The following PAX2 variants were observed in gnomAD, a reference collection of about 807,000 sequenced individuals.
PAX2 encodes paired box protein Pax-2.
A neutral mutation model predicts 41.7 loss-of-function variants in PAX2; 9 were observed. The observed-to-expected ratio is 0.22, with a 90% CI of 0.13 to 0.38. The LOEUF is 0.38. Among genes scored for constraint, PAX2 ranks in the 10% least tolerant of loss-of-function variants. The pLI is 1.00. For synonymous variants in PAX2, 221 were observed against 212.7 expected, an observed-to-expected ratio of 1.04 and a Z score of -0.34; for missense variants, 418 against 531.6, an observed-to-expected ratio of 0.79 and a Z score of 2.10.
At chr10:100,825,381 T>A (rs1223437289) in intron 8 of PAX2, among the ~76,000 whole-genome samples, 1 of 152,134 alleles carries the variant, frequency 6.6e-6, no homozygotes, top group Non-Finnish European at 1.5e-5. Context: ...CCTGGGGCTC[T>A]GACCCATCCC....
intron 6 of PAX2, among the ~76,000 whole-genome samples, chr10:100,808,524 C>T (rs1847876963): frequency 6.6e-6 from 1 of 152,194 alleles, no homozygotes. Flanking sequence ...TCAGGCAGGA[C>T]ACCCTTTCAG....
rs767014534 is a variant in PAX2, at chr10:100,809,149, G to C, written c.832G>C (p.Asp278His). ...CCTCCCAGCCCTGACCCCTGGGCTTGATGAAGTCAAGTCGAGTCTATCTGC... is the reference window on the plus strand; with the variant it reads ...CCTCCCAGCCCTGACCCCTGGGCTTCATGAAGTCAAGTCGAGTCTATCTGC... ...YSLPALTPGL[D>H]EVKSSLSAST... The change falls in exon 7 of 10, where the codon GAT becomes CAT. Residue 278 changes from aspartate (D) to histidine (H), a missense_variant. Physicochemically the swap from Asp to His is moderately conservative, Grantham distance 81. Transcript: ENST00000355243. 5.0e-6 allele frequency: 8 copies of C among 1,613,660 alleles called. 1 individual carries two copies. The South Asian group carries it at 8.8e-5, about 18-fold the overall frequency.
chr10:100,741,476 G>A (rs1424403397), upstream of PAX2, among the ~76,000 whole-genome samples: 1 of 150,784 alleles, frequency 6.6e-6, no homozygotes, highest in African/African-American at 2.4e-5. Flanking sequence ...GAAGGGCGGG[G>A]AGAGAATGGG....
At chr10:100,756,500 T>G (rs1013620237) in intron 3 of PAX2, among the ~76,000 whole-genome samples, 12 of 152,234 alleles carry the variant, frequency 7.9e-5, no homozygotes, top group African/African-American at 2.7e-4. Flanking sequence ...ATTCAATAAA[T>G]TGCATGAGAT....
At chr10:100,785,872 T>G (rs1030881407) in intron 5 of PAX2, among the ~76,000 whole-genome samples, 4 of 152,210 alleles carry the variant, frequency 2.6e-5, no homozygotes, top group Non-Finnish European at 5.9e-5. Flanking sequence ...GTCTGAATCC[T>G]GGTGCCCCTC....
Position 100,748,024 on chromosome 10 carries a change from G to A in PAX2, c.43+1721G>A, listed in dbSNP as rs951427537. 27 of 984,762 alleles carry A rather than the reference G, an allele frequency of 2.7e-5. No individual in the cohort carries two copies. In the Admixed American group the frequency reaches 1.0e-3, roughly 38 times the overall value. 61.0% of individuals were successfully genotyped at this position (984,762 alleles called of 1,614,324 possible). The stretch of plus-strand genomic sequence containing the variant: ...GGCCCGCGGGCCGGTGGACTGGTGG[G>A]TGAGACACCGCAGCCCGAGTCGGTG... On this transcript the variant is annotated intron_variant, in intron 1 of 9. Transcript: ENST00000355243. This position sits in a 1 kb window ranked among gnomAD's most constrained non-coding sequence, Gnocchi z 5.0.
At chr10:100,822,077 T>C (rs764878380) in intron 7 of PAX2, among the ~76,000 whole-genome samples, 3 of 152,048 alleles carry the variant, frequency 2.0e-5, no homozygotes, top group Non-Finnish European at 4.4e-5. Flanking sequence ...ACAACAGAAG[T>C]CAATAAAAGA....
rs141067956 is a variant in PAX2, at chr10:100,766,000, G to A, written c.411-13498G>A. Among the ~76,000 whole-genome samples, 1,168 of 152,234 alleles carry A rather than the reference G, an allele frequency of 7.7e-3. 7 individuals carry two copies. Among genetic ancestry groups the A allele is most frequent in the Middle Eastern group, 0.037 (11 of 294 alleles). ...AGGAACCGTTACAAGCATGTTTCAT[G>A]CATTAATTGATTTAAGCATCCTAAA... On this transcript the variant is annotated intron_variant, in intron 3 of 9. Transcript: ENST00000355243.
intron 1 of PAX2, among the ~76,000 whole-genome samples, chr10:100,739,305 C>G (rs1844872004): frequency 6.6e-6 from 1 of 152,250 alleles, no homozygotes; most frequent in African/African-American, 2.4e-5. Flanking sequence ...CGCAGCCTGT[C>G]CCCGCCTCGG....
rs1372461780 is a variant in PAX2 at position 100,745,920 on chromosome 10, C to A, written c.-341C>A. ...AGGGGAGCTGAGCGAGTCGCCTCCC[C>A]CGCCCAGCTTCAGCCCTGGCTGCAG... On this transcript the variant is annotated 5_prime_UTR_variant, in exon 1 of 10. Transcript: ENST00000355243. The A allele has an allele frequency of 2.4e-6, 3 of 1,234,232 alleles. No homozygotes were observed. Among genetic ancestry groups the A allele is most frequent in the East Asian group, 7.7e-5 (2 of 25,934 alleles). 76.5% of individuals were successfully genotyped at this position (1,234,232 alleles called of 1,614,324 possible).
intron 7 of PAX2, among the ~76,000 whole-genome samples, chr10:100,817,157 A>C (rs1192149422): frequency 6.6e-6 from 1 of 151,644 alleles, no homozygotes; most frequent in Non-Finnish European, 1.5e-5. Context: ...TCCAATCTTC[A>C]TTTGTGATTT....
At chr10:100,771,317 C>T (rs1021424247) in intron 3 of PAX2, among the ~76,000 whole-genome samples, 1 of 152,170 alleles carries the variant, frequency 6.6e-6, no homozygotes, top group African/African-American at 2.4e-5. Flanking sequence ...TGGCCATGTT[C>T]AGAACCCTGC....
intron 7 of PAX2, among the ~76,000 whole-genome samples, chr10:100,812,686 C>A (rs1848037699): frequency 6.6e-6 from 1 of 152,344 alleles, no homozygotes; most frequent in Admixed American, 6.5e-5. Context: ...TTGACCCCCC[C>A]TCCCCATGTC....
At chr10:100,819,906 C>T (rs1006522594) in intron 7 of PAX2, among the ~76,000 whole-genome samples, 2 of 152,206 alleles carry the variant, frequency 1.3e-5, no homozygotes, top group African/African-American at 2.4e-5. Flanking sequence ...GAATGTCTGA[C>T]GAAAGTGCAC....
rs1845315260 is a variant in PAX2, at chr10:100,748,819, C to A, written c.44-927C>A. 1.0e-6 allele frequency: 1 copy of A among 985,454 alleles called. No individual in the cohort carries two copies. The highest frequency in any genetic ancestry group is 1.2e-6 in the Non-Finnish European group (1 of 830,004). 61.0% of individuals were successfully genotyped at this position (985,454 alleles called of 1,614,324 possible). A position where few individuals can be genotyped will look rare whatever the true frequency, so the allele number is the denominator to read the frequency against. On this transcript the variant is annotated intron_variant, in intron 1 of 9. Transcript: ENST00000355243. This position sits in a 1 kb window ranked among gnomAD's most constrained non-coding sequence, Gnocchi z 5.0. ...GCCGAGGTCTGAGGGGTCAAAGGGA[C>A]TCGAGTCGGGTTTGGGTCGGCTACA...
chr10:100,818,176 TG>T (rs1188506711), intron 7 of PAX2, among the ~76,000 whole-genome samples: 2 of 152,154 alleles, frequency 1.3e-5, no homozygotes, highest in Non-Finnish European at 2.9e-5. Flanking sequence ...CAGTGTCAAG[TG>T]GGTAGCAAAA....
chr10:100,803,906 A>AAATAAATT (rs1353042201), intron 5 of PAX2, among the ~76,000 whole-genome samples: 1 of 152,126 alleles, frequency 6.6e-6, no homozygotes, highest in Non-Finnish European at 1.5e-5. Context: ...ATAAATAAAT[A>AAATAAATT]AAAAGGTCAG....
At chr10:100,814,721 C>T (rs1848129617) in intron 7 of PAX2, among the ~76,000 whole-genome samples, 1 of 152,258 alleles carries the variant, frequency 6.6e-6, no homozygotes, top group Admixed American at 6.5e-5. Context: ...TCCGTAGCTT[C>T]CCCATCCTGG....
chr10:100,740,778 G>GCTGTACA (rs5787399), upstream of PAX2, among the ~76,000 whole-genome samples: 1 of 151,458 alleles, frequency 6.6e-6, no homozygotes, highest in Non-Finnish European at 1.5e-5. Flanking sequence ...GGCCCCTTTA[G>GCTGTACA]GAGGTCCATG....
Sources: gnomAD v4.1 joint callset for allele counts (sites outside exome capture counted in the v4.1 genomes callset) on GRCh38, gnomAD v4.1.1 for gene constraint, Gnocchi (gnomAD v3.1) non-coding constraint, MANE v1.5 for transcripts, NCBI Gene and HGNC (gene_info 2026-07-23, HGNC 2026-07-21) for gene names.